The following ADCY9 variants were observed in gnomAD, a reference collection of about 807,000 sequenced individuals.
ADCY9 encodes the protein adenylate cyclase type 9.
In ADCY9, 50 loss-of-function variants were observed where a neutral mutation model predicts 101.5. The observed-to-expected ratio is 0.49, with a 90% CI of 0.39 to 0.62. The LOEUF (loss-of-function observed/expected upper bound fraction) is 0.62, where lower values mean the gene tolerates loss of function less well. Ranked by LOEUF, ADCY9 falls within the 20% of genes least tolerant of loss-of-function variation. The pLI, the probability that ADCY9 is intolerant of heterozygous loss-of-function variation, is 0.00. For missense variants in ADCY9, 1,662 were observed against 1,800.4 expected (o/e 0.92, Z 1.39); for synonymous variants, 905 against 769.3 (o/e 1.18, Z -2.92).
At chr16:4,104,911 T>C (rs891995381) in intron 2 of ADCY9, among the ~76,000 whole-genome samples, 1 of 150,326 alleles carries the variant, frequency 6.7e-6, no homozygotes, top group African/African-American at 2.4e-5. Flanking sequence ...CTACTAAAAA[T>C]ACAAAAAATT....
chr16:3,981,729 G>A (rs953649216), intron 7 of ADCY9: 1 of 151,596 alleles, frequency 6.6e-6, no homozygotes, highest in Non-Finnish European at 1.5e-5. Flanking sequence ...GAGTAGCTGG[G>A]GTTACACGTG....
chr16:3,963,405 T>G lies in ADCY9; in HGVS notation c.*2370A>C. The G allele has an allele frequency of 2.5e-6, 1 of 398,698 alleles. No individual in the cohort carries two copies. The highest frequency in any genetic ancestry group is 4.4e-6 in the Non-Finnish European group (1 of 225,914). The allele number at this position is 398,698 out of a possible 1,614,324, so 24.7% of individuals were successfully genotyped here. On this transcript the variant is annotated 3_prime_UTR_variant, in exon 11 of 11. Coordinates refer to ENST00000294016, the MANE Select transcript of ADCY9 (RefSeq NM_001116.4). ...CTGCAGAGATTCTGTGGTTCTGCAC[T>G]GAGGTATGCATCGGAGCAGGGGACG...
At chr16:4,074,484 C>G (rs1260611293) in intron 2 of ADCY9, among the ~76,000 whole-genome samples, 1 of 148,382 alleles carries the variant, frequency 6.7e-6, no homozygotes, top group Admixed American at 6.8e-5. Context: ...CACTTGAGGC[C>G]AGGAGTTCAA....
Position 4,046,317 on chromosome 16 carries a change from C to A in ADCY9, c.1694-38759G>T, listed in dbSNP as rs528200041. On this transcript the variant is annotated intron_variant, in intron 2 of 10. Coordinates refer to ENST00000294016, the MANE Select transcript of ADCY9 (RefSeq NM_001116.4). Reference sequence around the variant, plus strand: ...CACTGAACCATAGCACATGCGCATTCCCCCCACGCCCCCGAACTTATATTC... The same window carrying A: ...CACTGAACCATAGCACATGCGCATTACCCCCACGCCCCCGAACTTATATTC... Among the ~76,000 whole-genome samples, 33 of 152,226 alleles carry A rather than the reference C, an allele frequency of 2.2e-4. No individual in the cohort carries two copies. The South Asian group carries it at 6.9e-3, about 32-fold the overall frequency.
chr16:3,998,940 C>T (rs549134782), intron 3 of ADCY9, among the ~76,000 whole-genome samples: 46 of 152,032 alleles, frequency 3.0e-4, no homozygotes, highest in Non-Finnish European at 3.1e-4. Flanking sequence ...CCCTGACCTC[C>T]TACCCCCCAA....
At chr16:4,023,791 T>A (rs1236267415) in intron 2 of ADCY9, among the ~76,000 whole-genome samples, 1 of 151,942 alleles carries the variant, frequency 6.6e-6, no homozygotes, top group Non-Finnish European at 1.5e-5. Flanking sequence ...ATGCCTGTGA[T>A]CCCAGCTACT....
At chr16:3,996,791 G>A (rs182418461) in intron 3 of ADCY9, among the ~76,000 whole-genome samples, 3 of 152,304 alleles carry the variant, frequency 2.0e-5, no homozygotes, top group Non-Finnish European at 4.4e-5. Context: ...TTAGTCACAG[G>A]AATCTCCTGG....
chr16:4,102,966 C>G (rs900271770), intron 2 of ADCY9, among the ~76,000 whole-genome samples: 4 of 152,214 alleles, frequency 2.6e-5, no homozygotes, highest in Admixed American at 2.6e-4. Flanking sequence ...AGGTGATCCA[C>G]CCACCTCGGC....
At position 3,966,357 on chromosome 16, in the gene ADCY9, G is replaced by A. The variant is rs752586436; in HGVS notation, c.3480C>T (p.Asn1160=). 1.2e-6 allele frequency: 2 copies of A among 1,614,120 alleles called. No individual in the cohort carries two copies. Among genetic ancestry groups the A allele is most frequent in the Non-Finnish European group, 8.5e-7 (1 of 1,180,038 alleles). ...GGTTGAAGCCGACGCGGAGCTTGAA[G>A]TTGAACCACAGCATGTTGTTGTTGA... ...DDFNNNMLWF[N]FKLRVGFNHG... is the part of the protein sequence containing the mutation. Residue 1160 remains asparagine (N), a synonymous_variant, in exon 11 of 11, where the codon AAC becomes AAT. Coordinates refer to ENST00000294016, the MANE Select transcript of ADCY9 (RefSeq NM_001116.4).
intron 2 of ADCY9, among the ~76,000 whole-genome samples, chr16:4,045,189 CT>C (rs2056654216): frequency 6.6e-6 from 1 of 151,992 alleles, no homozygotes; most frequent in African/African-American, 2.4e-5. Context: ...TTGGTAGACA[CT>C]TGACAAATAT....
intron 2 of ADCY9, among the ~76,000 whole-genome samples, chr16:4,008,657 C>T (rs1374779128): frequency 6.6e-6 from 1 of 151,876 alleles, no homozygotes; most frequent in South Asian, 2.1e-4. Flanking sequence ...CTGCAGCCTC[C>T]ACCTCCTGGG....
At chr16:4,025,078 G>C (rs965745045) in intron 2 of ADCY9, among the ~76,000 whole-genome samples, 18 of 152,178 alleles carry the variant, frequency 1.2e-4, no homozygotes, top group African/African-American at 3.6e-4. Flanking sequence ...GGGTAGGGAG[G>C]GGGGCTGGGT....
intron 2 of ADCY9, among the ~76,000 whole-genome samples, chr16:4,113,228 C>T (rs1016889752): frequency 2.0e-5 from 3 of 151,748 alleles, no homozygotes; most frequent in African/African-American, 4.8e-5. Context: ...TAAGTAACTC[C>T]GTCTAATTCT....
intron 5 of ADCY9, among the ~76,000 whole-genome samples, chr16:3,954,884 G>C (rs940605210): frequency 2.0e-5 from 3 of 152,202 alleles, no homozygotes; most frequent in Admixed American, 6.5e-5. Flanking sequence ...TCCCGAGGTA[G>C]AGGCTGAGGG....
At chr16:4,019,683 T>G (rs533240519) in intron 2 of ADCY9, among the ~76,000 whole-genome samples, 1 of 152,076 alleles carries the variant, frequency 6.6e-6, no homozygotes, top group Non-Finnish European at 1.5e-5. Context: ...GAAAAACCAC[T>G]GTTGTCAAAG....
chr16:3,975,980 T>C (rs1257641682), intron 9 of ADCY9, among the ~76,000 whole-genome samples: 1 of 152,086 alleles, frequency 6.6e-6, no homozygotes, highest in Non-Finnish European at 1.5e-5. Context: ...AATAGGCAAT[T>C]TTGAGACTTA....
chr16:3,968,493 A>G lies in ADCY9; in HGVS notation c.2871-1527T>C, dbSNP rs370826043. On this transcript the variant is annotated intron_variant, in intron 10 of 10. Coordinates refer to ENST00000294016, the MANE Select transcript of ADCY9 (RefSeq NM_001116.4). Reference sequence around the variant, plus strand: ...TTTACAAATAGCTTTTATGAGTTCTATACTCTCTACCTGTATAAAAAAGTT... The same window carrying G: ...TTTACAAATAGCTTTTATGAGTTCTGTACTCTCTACCTGTATAAAAAAGTT... 2.6e-5 allele frequency among the ~76,000 whole-genome samples: 4 copies of G among 152,258 alleles called. No homozygotes were observed. The East Asian group carries it at 5.8e-4, about 22-fold the overall frequency.
At position 3,983,297 on chromosome 16, in the gene ADCY9, G is replaced by T; in HGVS notation, c.2454C>A (p.Pro818=). The T allele has an allele frequency of 6.4e-7, 1 of 1,562,032 alleles. No homozygotes were observed. Among genetic ancestry groups the T allele is most frequent in the Non-Finnish European group, 8.7e-7 (1 of 1,153,534 alleles). ...KYEAATVPPP[P]AALAVFSAAL... ...CTGCACTGAAGACCGCCAGGGCGGC[G>T]GGCGGGGGAGGCACGGTGGCCGCCT... Residue 818 remains proline (P), a synonymous_variant, in exon 7 of 11, where the codon CCC becomes CCA. Coordinates refer to ENST00000294016, the MANE Select transcript of ADCY9 (RefSeq NM_001116.4).
Position 4,009,404 on chromosome 16 carries a change from C to T in ADCY9, c.1694-1846G>A, listed in dbSNP as rs118014588. Among the ~76,000 whole-genome samples the T allele has an allele frequency of 2.1e-3, 326 of 152,254 alleles. 1 individual carries two copies. Among genetic ancestry groups the T allele is most frequent in the Admixed American group, 3.1e-3 (47 of 15,280 alleles). On this transcript the variant is annotated intron_variant, in intron 2 of 10. Coordinates refer to ENST00000294016, the MANE Select transcript of ADCY9 (RefSeq NM_001116.4). ...CTGAGTAGCTGGGACTACAAACGTC[C>T]GCCACTATGTCCAACTATTTCTTTC...
Sources: allele counts gnomAD v4.1 joint callset (sites outside exome capture counted in the v4.1 genomes callset), GRCh38; gene constraint gnomAD v4.1.1; transcripts MANE v1.5; gene names NCBI Gene and HGNC (gene_info 2026-07-23, HGNC 2026-07-21).